NTSR1: variants seen among roughly 807,000 people sequenced by gnomAD.
The protein encoded by NTSR1 is neurotensin receptor type 1.
A neutral mutation model predicts 31.2 loss-of-function variants in NTSR1; 29 were observed. That is an observed-to-expected ratio of 0.93 (90% CI 0.69 to 1.27). The LOEUF is 1.27. NTSR1 is among the 50% of genes most tolerant of loss of function. NTSR1 has a pLI of 0.00. For synonymous variants in NTSR1, 282 were observed against 269.9 expected (o/e 1.04, Z -0.44); for missense variants, 697 against 595.4 (o/e 1.17, Z -1.78).
At chr20:62,750,509 T>C (rs1311545796) in intron 1 of NTSR1, among the ~76,000 whole-genome samples, 3 of 151,738 alleles carry the variant, frequency 2.0e-5, no homozygotes, top group Admixed American at 6.6e-5. Context: ...GCTAACATGG[T>C]GAAACCCCAT....
chr20:62,755,293 A>T (rs542658286), intron 2 of NTSR1, among the ~76,000 whole-genome samples: 5 of 86,082 alleles, frequency 5.8e-5, no homozygotes, highest in Admixed American at 1.2e-4. Context: ...CCTTCCCTCC[A>T]TTCATTCCTC....
intron 1 of NTSR1, among the ~76,000 whole-genome samples, chr20:62,754,441 G>A (rs2147147849): frequency 1.3e-5 from 2 of 152,288 alleles, no homozygotes; most frequent in South Asian, 4.1e-4. Context: ...AAGTAGGGGA[G>A]TCTGCAAACT....
chr20:62,726,473 G>A (rs372108484), intron 1 of NTSR1, among the ~76,000 whole-genome samples: 105 of 152,224 alleles, frequency 6.9e-4, no homozygotes, highest in African/African-American at 2.4e-3. Context: ...CGCTTAGCAC[G>A]GCATCCCCAC....
chr20:62,723,323 C>T lies in NTSR1; in HGVS notation c.714+13402C>T, dbSNP rs78021672. 6.7e-3 allele frequency among the ~76,000 whole-genome samples: 1,022 copies of T among 152,254 alleles called. 7 individuals are homozygous for T. Among genetic ancestry groups the T allele is most frequent in the African/African-American group, 0.023 (973 of 41,528 alleles). Reference sequence around the variant, plus strand: ...ATGCTGCTGTCTGGGGTGTCACTTCCCAGTTGATTGGCAGAATCACGAAGC... The same window carrying T: ...ATGCTGCTGTCTGGGGTGTCACTTCTCAGTTGATTGGCAGAATCACGAAGC... On this transcript the variant is annotated intron_variant, in intron 1 of 3. Coordinates refer to ENST00000370501, the MANE Select transcript of NTSR1 (RefSeq NM_002531.3).
At chr20:62,752,383 G>A (rs915212374) in intron 1 of NTSR1, among the ~76,000 whole-genome samples, 2 of 151,784 alleles carry the variant, frequency 1.3e-5, no homozygotes, top group Non-Finnish European at 2.9e-5. Flanking sequence ...AGAGAAGGCC[G>A]GCCCCAGGAG....
chr20:62,757,796 C>G lies in NTSR1; in HGVS notation c.917-470C>G, dbSNP rs1472472327. ...TACCTCCCTCAGCCCATGTCTCTCC[C>G]TCTCTGAGCCTGTGTCCTGTCTCTG... On this transcript the variant is annotated intron_variant, in intron 2 of 3. Transcript: ENST00000370501. Among the ~76,000 whole-genome samples, 5 of 152,260 alleles carry G rather than the reference C, an allele frequency of 3.3e-5. No homozygotes were observed. The South Asian group carries it at 8.3e-4, about 25-fold the overall frequency.
rs112613610 is a variant in NTSR1, at chr20:62,709,631, C to T, written c.424C>T (p.Arg142Cys). The T allele has an allele frequency of 3.1e-6, 5 of 1,612,118 alleles. No homozygotes were observed. In the African/African-American group the frequency reaches 4.0e-5, roughly 13 times the overall value. ...CTGGGCCTTCGGCGACGCCGGCTGC[C>T]GCGGCTACTACTTCCTGCGCGACGC... The part of the protein sequence containing the change: ...HPWAFGDAGC[R>C]GYYFLRDACT... The change falls in exon 1 of 4, where the codon CGC becomes TGC. Residue 142 changes from arginine (R) to cysteine (C), a missense_variant. By Grantham distance (180) the Arg-to-Cys change is radical. Transcript: ENST00000370501.
At chr20:62,710,771 C>A (rs577068544) in intron 1 of NTSR1, among the ~76,000 whole-genome samples, 3 of 152,112 alleles carry the variant, frequency 2.0e-5, no homozygotes, top group Admixed American at 1.3e-4. Flanking sequence ...ACCAAAGCCC[C>A]GAGCAGGAGG....
rs907610608 is a variant in NTSR1 at position 62,745,358 on chromosome 20, G to A, written c.715-9327G>A. On this transcript the variant is annotated intron_variant, in intron 1 of 3. Coordinates refer to ENST00000370501, the MANE Select transcript of NTSR1 (RefSeq NM_002531.3). The surrounding 1 kb of genome is among the most constrained non-coding windows in gnomAD (Gnocchi z 4.1). ...AGATACAGAGACACAAGAAAACAGA[G>A]ACAGAGATAGAGACAGAGACACAGA... Among the ~76,000 whole-genome samples the A allele has an allele frequency of 1.3e-5, 2 of 151,868 alleles. No individual in the cohort carries two copies. Among genetic ancestry groups the A allele is most frequent in the African/African-American group, 4.8e-5 (2 of 41,308 alleles).
chr20:62,754,557 G>A, intron 1 of NTSR1, 128 bp from the exon 2 acceptor site: 1 of 785,356 alleles, frequency 1.3e-6, no homozygotes, highest in Non-Finnish European at 2.2e-6. Context: ...CGGACCTCCT[G>A]AACTTGTGTT....
intron 1 of NTSR1, among the ~76,000 whole-genome samples, chr20:62,750,610 G>A (rs1361884944): frequency 6.8e-6 from 1 of 147,182 alleles, no homozygotes; most frequent in Non-Finnish European, 1.5e-5. Context: ...AGAATGGCGT[G>A]AACCCGGGAG....
At chr20:62,721,155 G>A (rs971135238) in intron 1 of NTSR1, among the ~76,000 whole-genome samples, 1 of 152,166 alleles carries the variant, frequency 6.6e-6, no homozygotes, top group Non-Finnish European at 1.5e-5. Flanking sequence ...TAGTGTTATA[G>A]TATTTAATTC....
Position 62,709,520 on chromosome 20 carries a change from C to T in NTSR1, c.313C>T (p.Leu105=). 1 of 1,612,450 alleles carries T rather than the reference C, an allele frequency of 6.2e-7. No individual in the cohort carries two copies. Among genetic ancestry groups the T allele is most frequent in the Non-Finnish European group, 8.5e-7 (1 of 1,179,858 alleles). The change falls in exon 1 of 4, where the codon CTG becomes TTG. Residue 105 remains leucine, a synonymous_variant. Transcript: ENST00000370501. The part of the protein sequence containing the change: ...QSLQSTVHYH[L]GSLALSDLLT... ...CCTGCAGAGCACGGTGCATTACCAC[C>T]TGGGCAGCCTGGCGCTGTCCGACCT...
At position 62,709,815 on chromosome 20, in the gene NTSR1, T is replaced by C. The variant is rs1239532321; in HGVS notation, c.608T>C (p.Met203Thr). 1.2e-6 allele frequency: 2 copies of C among 1,612,704 alleles called. No individual in the cohort carries two copies. The highest frequency in any genetic ancestry group is 1.7e-6 in the Non-Finnish European group (2 of 1,179,870). ...GCCTCGGCCCTGCTGGCGGTGCCTA[T>C]GCTGTTCACCATGGGCGAGCAGAAC... ...WLASALLAVP[M>T]LFTMGEQNRS... Residue 203 changes from methionine to threonine, a missense_variant, in exon 1 of 4, where the codon ATG becomes ACG. By Grantham distance (81) the Met-to-Thr change is moderately conservative (BLOSUM62 -1). Transcript: ENST00000370501.
chr20:62,725,178 A>G lies in NTSR1; in HGVS notation c.714+15257A>G, dbSNP rs117149951. 1.1e-3 allele frequency among the ~76,000 whole-genome samples: 170 copies of G among 152,334 alleles called. 1 individual carries two copies. In the East Asian group the frequency reaches 0.026, roughly 23 times the overall value. On this transcript the variant is annotated intron_variant, in intron 1 of 3. Transcript: ENST00000370501. ...TGGAAAGCAAGCACCAGAGCCCCAG[A>G]TAAGTGCAAGGGGAGGAACAGGAAG...
At position 62,733,047 on chromosome 20, in the gene NTSR1, C is replaced by T. The variant is rs907380394; in HGVS notation, c.715-21638C>T. Reference sequence around the variant, plus strand: ...GCCACGGGAGTCTGTGGACTTGTCACATCACCCGCAGGCGTGGCCCTGAGG... The same window carrying T: ...GCCACGGGAGTCTGTGGACTTGTCATATCACCCGCAGGCGTGGCCCTGAGG... On this transcript the variant is annotated intron_variant, in intron 1 of 3. Transcript: ENST00000370501. This position sits in a 1 kb window ranked among gnomAD's most constrained non-coding sequence, Gnocchi z 5.2. The T allele has an allele frequency of 4.1e-5, 6 of 148,088 alleles. No individual in the cohort carries two copies. Among genetic ancestry groups the T allele is most frequent in the Admixed American group, 1.4e-4 (2 of 14,738 alleles). 9.2% of individuals were successfully genotyped at this position (148,088 alleles called of 1,614,324 possible).
Position 62,737,849 on chromosome 20 carries a change from C to A in NTSR1, c.715-16836C>A, listed in dbSNP as rs548856666. On this transcript the variant is annotated intron_variant, in intron 1 of 3. Coordinates refer to ENST00000370501, the MANE Select transcript of NTSR1 (RefSeq NM_002531.3). ...TCCAGGATTGATGACCTGACCCCTG[C>A]CCCCGGTCCTCCCCACCCCCCACAC... is the stretch of plus-strand genomic sequence containing the variant. 2.1e-5 allele frequency among the ~76,000 whole-genome samples: 3 copies of A among 143,816 alleles called. No homozygotes were observed. The South Asian group carries it at 6.9e-4, about 33-fold the overall frequency. 94.3% of individuals were successfully genotyped at this position (143,816 alleles called of 152,430 possible).
chr20:62,752,857 C>A (rs910766922), intron 1 of NTSR1, among the ~76,000 whole-genome samples: 1 of 152,066 alleles, frequency 6.6e-6, no homozygotes, highest in Non-Finnish European at 1.5e-5. Flanking sequence ...TGTTGTCCTG[C>A]AGAAGGTGGA....
Position 62,712,858 on chromosome 20 carries a change from C to G in NTSR1, c.714+2937C>G, listed in dbSNP as rs188103309. Among the ~76,000 whole-genome samples, 206 of 152,302 alleles carry G rather than the reference C, an allele frequency of 1.4e-3. 3 individuals carry two copies. The highest frequency in any genetic ancestry group is 4.8e-3 in the African/African-American group (198 of 41,556). On this transcript the variant is annotated intron_variant, in intron 1 of 3. Coordinates refer to ENST00000370501, the MANE Select transcript of NTSR1 (RefSeq NM_002531.3). ...GCTGTGACAGGGTCCCAGTGGCACA[C>G]GATCTGTGTGGCAGGGCTCAGGGCT...
Sources: gnomAD v4.1 joint callset for allele counts (sites outside exome capture counted in the v4.1 genomes callset) on GRCh38, gnomAD v4.1.1 for gene constraint, Gnocchi (gnomAD v3.1) non-coding constraint, MANE v1.5 for transcripts, NCBI Gene and HGNC (gene_info 2026-07-23, HGNC 2026-07-21) for gene names.